The following JAZF1 variants were observed in gnomAD, a reference collection of about 807,000 sequenced individuals.
The protein encoded by JAZF1 is JAZF zinc finger 1, also known as juxtaposed with another zinc finger protein 1.
In JAZF1, 8 loss-of-function variants were observed where a neutral mutation model predicts 26.4. That is an observed-to-expected ratio of 0.30 (90% CI 0.18 to 0.55). JAZF1 has a LOEUF of 0.55. Ranked by LOEUF, JAZF1 falls within the 20% of genes least tolerant of loss-of-function variation. The probability of loss-of-function intolerance (pLI) is 0.94; values close to 1 mark genes in which losing one functional copy is unlikely to be tolerated. For synonymous variants in JAZF1, 126 were observed against 122.3 expected (o/e 1.03, Z -0.20); for missense variants, 199 against 322.0 (o/e 0.62, Z 2.92).
intron 1 of JAZF1, among the ~76,000 whole-genome samples, chr7:27,996,996 A>G (rs142676184): frequency 8.0e-4 from 122 of 152,324 alleles, no homozygotes; most frequent in African/African-American, 2.8e-3. Context: ...ATGAATGAAT[A>G]AAAAACTAAC....
intron 1 of JAZF1, among the ~76,000 whole-genome samples, chr7:28,092,193 T>TCAATGTTTAAA (rs1784308406): frequency 1.4e-5 from 2 of 147,428 alleles, no homozygotes. Context: ...TGGGTAGGAG[T>TCAATGTTTAAA]CAATGTTTAA....
intron 3 of JAZF1, among the ~76,000 whole-genome samples, chr7:27,883,630 G>A (rs993199053): frequency 5.9e-5 from 9 of 151,870 alleles, no homozygotes; most frequent in Non-Finnish European, 7.4e-5. Flanking sequence ...GAACCTGGGC[G>A]GCTTTAATTT....
chr7:28,039,099 T>C (rs1353137139), intron 1 of JAZF1, among the ~76,000 whole-genome samples: 7 of 152,332 alleles, frequency 4.6e-5, no homozygotes, highest in Admixed American at 3.9e-4. Flanking sequence ...AAAAGATTCA[T>C]GATTGCTCTG....
intron 1 of JAZF1, among the ~76,000 whole-genome samples, chr7:28,132,804 A>T (rs1346420255): frequency 6.6e-6 from 1 of 152,192 alleles, no homozygotes; most frequent in Non-Finnish European, 1.5e-5. Flanking sequence ...TAAATATTCA[A>T]TTTACAAACA....
intron 1 of JAZF1, among the ~76,000 whole-genome samples, chr7:28,069,470 A>G (rs1248738891): frequency 1.3e-5 from 2 of 152,168 alleles, no homozygotes; most frequent in Non-Finnish European, 2.9e-5. Context: ...AACTTCCTTC[A>G]GCCTTTAGCT....
intron 1 of JAZF1, among the ~76,000 whole-genome samples, chr7:28,159,566 G>A (rs996990685): frequency 8.6e-5 from 13 of 152,002 alleles, no homozygotes; most frequent in Non-Finnish European, 1.5e-4. Flanking sequence ...GGAATGGAGA[G>A]CCTTGTCAGC....
chr7:27,956,229 G>A (rs1275627517), intron 2 of JAZF1, among the ~76,000 whole-genome samples: 2 of 152,136 alleles, frequency 1.3e-5, no homozygotes, highest in Non-Finnish European at 2.9e-5. Context: ...AGGGGCTGAT[G>A]TGGCACCTGT....
chr7:28,075,903 A>G (rs1160605932), intron 1 of JAZF1, among the ~76,000 whole-genome samples: 3 of 152,242 alleles, frequency 2.0e-5, no homozygotes, highest in African/African-American at 7.2e-5. Flanking sequence ...TGACATCATA[A>G]TGGGAGAGAC....
chr7:28,002,149 C>G (rs1782606875), intron 1 of JAZF1, among the ~76,000 whole-genome samples: 1 of 152,132 alleles, frequency 6.6e-6, no homozygotes, highest in Admixed American at 6.5e-5. Flanking sequence ...AATCATATTC[C>G]ATAAAACCCC....
chr7:27,862,181 A>C (rs922496620), intron 3 of JAZF1, among the ~76,000 whole-genome samples: 1 of 152,240 alleles, frequency 6.6e-6, no homozygotes, highest in Non-Finnish European at 1.5e-5. Context: ...TTTTTAAAAT[A>C]GAACAGATTT....
intron 1 of JAZF1, among the ~76,000 whole-genome samples, chr7:28,133,989 A>T (rs1258847895): frequency 6.6e-6 from 1 of 152,148 alleles, no homozygotes; most frequent in Admixed American, 6.6e-5. Flanking sequence ...CCTATAAGAA[A>T]CATTATCTTG....
chr7:28,018,023 C>T (rs965630056), intron 1 of JAZF1, among the ~76,000 whole-genome samples: 3 of 152,190 alleles, frequency 2.0e-5, no homozygotes, highest in African/African-American at 2.4e-5. Context: ...CCGCCCACCT[C>T]AGCCTCCCAA....
intron 1 of JAZF1, among the ~76,000 whole-genome samples, chr7:28,018,104 T>C (rs775106858): frequency 6.6e-6 from 1 of 152,056 alleles, no homozygotes; most frequent in Non-Finnish European, 1.5e-5. Context: ...ACACGGAGGA[T>C]AGGAAAAGCC....
In JAZF1 at chr7:28,066,272, G is replaced by A. The variant is rs373726327; in HGVS notation, c.116-74291C>T. On this transcript the variant is annotated intron_variant, in intron 1 of 4. Transcript: ENST00000283928. ...GTTAAAAGAACACTGGAAAGGCTCC[G>A]GTACAGGCCAGGTCAGGGCTGGAAG... Among the ~76,000 whole-genome samples, 9 of 152,182 alleles carry A rather than the reference G, an allele frequency of 5.9e-5. No homozygotes were observed. In the East Asian group the frequency reaches 9.7e-4, roughly 16 times the overall value.
chr7:27,872,647 A>C (rs1783603896), intron 3 of JAZF1, among the ~76,000 whole-genome samples: 1 of 152,222 alleles, frequency 6.6e-6, no homozygotes, highest in Non-Finnish European at 1.5e-5. Flanking sequence ...AACATCTGTT[A>C]CTTACTTACA....
chr7:28,005,358 G>C (rs574837217), intron 1 of JAZF1, among the ~76,000 whole-genome samples: 1 of 151,346 alleles, frequency 6.6e-6, no homozygotes, highest in African/African-American at 2.4e-5. Flanking sequence ...TCAAGGATTT[G>C]ACAAAAGGAA....
chr7:28,005,318 A>T (rs1583504343), intron 1 of JAZF1, among the ~76,000 whole-genome samples: 1 of 152,074 alleles, frequency 6.6e-6, no homozygotes, highest in African/African-American at 2.4e-5. Context: ...ATCCAAGTAT[A>T]TTAGTTTTGT....
At chr7:28,053,883 C>T (rs1219477059) in intron 1 of JAZF1, among the ~76,000 whole-genome samples, 1 of 152,144 alleles carries the variant, frequency 6.6e-6, no homozygotes. Context: ...CCACCTCACA[C>T]CCCGAGCAGC....
At position 27,883,087 on chromosome 7, in the gene JAZF1, G is replaced by A. The variant is rs561698425; in HGVS notation, c.385+12133C>T. Among the ~76,000 whole-genome samples, 236 of 152,320 alleles carry A rather than the reference G, an allele frequency of 1.5e-3. 1 individual carries two copies. Among genetic ancestry groups the A allele is most frequent in the African/African-American group, 5.3e-3 (221 of 41,560 alleles). On this transcript the variant is annotated intron_variant, in intron 3 of 4. Coordinates refer to ENST00000283928, the MANE Select transcript of JAZF1 (RefSeq NM_175061.4). ...AATTACTGAGAAGTGTGCACTGATG[G>A]ATGTTGGCATATGAGTGAGCTCTGG... is the stretch of plus-strand genomic sequence containing the variant.
Sources: gnomAD v4.1 joint callset for allele counts (sites outside exome capture counted in the v4.1 genomes callset) on GRCh38, gnomAD v4.1.1 for gene constraint, MANE v1.5 for transcripts, NCBI Gene and HGNC (gene_info 2026-07-23, HGNC 2026-07-21) for gene names.